Variants in RUVBL1 observed in about 807,000 individuals in gnomAD.
The protein encoded by RUVBL1 is RuvB like AAA ATPase 1, also known as ruvB-like 1.
RUVBL1 carries 4 observed loss-of-function variants against 52.4 expected under a neutral mutation model. The observed-to-expected ratio is 0.08, with a 90% CI of 0.04 to 0.17. The LOEUF (loss-of-function observed/expected upper bound fraction) is 0.17, where lower values mean the gene tolerates loss of function less well. Ranked by LOEUF, RUVBL1 falls within the 10% of genes least tolerant of loss-of-function variation. The pLI is 1.00. For missense variants in RUVBL1, 298 were observed against 572.8 expected (o/e 0.52, Z 4.90); for synonymous variants, 217 against 214.4 (o/e 1.01, Z -0.10).
intron 9 of RUVBL1, 41 bp downstream of exon 9, chr3:128,087,665 C>A (rs2107675932): frequency 6.6e-7 from 1 of 1,513,348 alleles, no homozygotes; most frequent in Non-Finnish European, 9.1e-7. Context: ...ACACTGGGAG[C>A]AAATGAGAGA....
rs183490739 is a variant in RUVBL1, at chr3:128,067,859, A to C, written c.940-2639T>G. Reference sequence around the variant, plus strand: ...CATATGACTTCCTTGCGGCAGTTTTAAAGTTCTCTGTATGAATATTGTCAG... The same window carrying C: ...CATATGACTTCCTTGCGGCAGTTTTCAAGTTCTCTGTATGAATATTGTCAG... On this transcript the variant is annotated intron_variant, in intron 9 of 9. Coordinates refer to the RUVBL1 transcript ENST00000464873. This position sits in a 1 kb window ranked among gnomAD's most constrained non-coding sequence, Gnocchi z 4.1. 700 of 816,744 alleles carry C rather than the reference A, an allele frequency of 8.6e-4. No individual in the cohort carries two copies. Among genetic ancestry groups the C allele is most frequent in the Non-Finnish European group, 1.2e-3 (563 of 487,516 alleles). The allele number at this position is 816,744 out of a possible 1,614,324, so 50.6% of individuals were successfully genotyped here. A position where few individuals can be genotyped will look rare whatever the true frequency, so the allele number is the denominator to read the frequency against.
chr3:128,097,626 C>A lies in RUVBL1; in HGVS notation c.818-128G>T, dbSNP rs544798098. The A allele has an allele frequency of 1.3e-5, 10 of 768,738 alleles. No homozygotes were observed. In the African/African-American group the frequency reaches 1.4e-4, roughly 10 times the overall value. 47.6% of individuals were successfully genotyped at this position (768,738 alleles called of 1,614,324 possible). A position where few individuals can be genotyped will look rare whatever the true frequency, so the allele number is the denominator to read the frequency against. On this transcript the variant is annotated intron_variant, in intron 7 of 10. Coordinates refer to ENST00000322623, the MANE Select transcript of RUVBL1 (RefSeq NM_003707.3). ...TAGTTTTCCTACTAGCTATGTGATC[C>A]CAGACAGGGTGTGTCCCCACTCCAG...
chr3:128,105,965 G>A (rs1373135149), intron 3 of RUVBL1, among the ~76,000 whole-genome samples: 2 of 148,198 alleles, frequency 1.3e-5, no homozygotes, highest in African/African-American at 2.5e-5. Flanking sequence ...CGCCTCCCAG[G>A]TTCAAGTGAT....
intron 9 of RUVBL1, chr3:128,066,715 C>A (rs576432969): frequency 2.9e-5 from 16 of 557,244 alleles, no homozygotes; most frequent in Admixed American, 9.8e-5. Context: ...TAAGTCACCA[C>A]GCCTAGCCTT....
intron 3 of RUVBL1, among the ~76,000 whole-genome samples, chr3:128,106,310 T>C (rs1943233951): frequency 2.0e-5 from 3 of 152,252 alleles, no homozygotes. Flanking sequence ...TAATAAACGT[T>C]TGTTCATTAT....
chr3:128,100,413 G>A (rs1943084804), intron 6 of RUVBL1, among the ~76,000 whole-genome samples, 182 bp downstream of exon 6: 1 of 152,172 alleles, frequency 6.6e-6, no homozygotes, highest in African/African-American at 2.4e-5. Context: ...TGTGACTAGA[G>A]CATTTGAATG....
intron 1 of RUVBL1, among the ~76,000 whole-genome samples, chr3:128,129,508 AAAC>A (rs74644017): frequency 1.3e-5 from 2 of 151,610 alleles, no homozygotes; most frequent in East Asian, 1.9e-4. Context: ...GGACCAGGAA[AAAC>A]AACAACAACA....
At chr3:128,141,105 T>C (rs1944014541) in intron 1 of RUVBL1, among the ~76,000 whole-genome samples, 1 of 152,212 alleles carries the variant, frequency 6.6e-6, no homozygotes, top group Admixed American at 6.5e-5. Flanking sequence ...AATACTTCAT[T>C]AAGTAAAAAA....
chr3:128,094,346 G>A (rs1321673703), intron 8 of RUVBL1, among the ~76,000 whole-genome samples: 1 of 152,200 alleles, frequency 6.6e-6, no homozygotes, highest in East Asian at 1.9e-4. Context: ...GGGGTGAGCG[G>A]CAAGAAGCCG....
upstream of RUVBL1, among the ~76,000 whole-genome samples, chr3:128,127,963 C>T (rs945512134): frequency 2.0e-5 from 3 of 152,152 alleles, no homozygotes; most frequent in Admixed American, 6.5e-5. Context: ...CGCCACTGCA[C>T]TCCAGCCTGG....
At position 128,108,674 on chromosome 3, in the gene RUVBL1, C is replaced by T. The variant is rs144344194; in HGVS notation, c.362-3750G>A. 2.3e-3 allele frequency among the ~76,000 whole-genome samples: 339 copies of T among 150,554 alleles called. 2 individuals are homozygous for T. The highest frequency in any genetic ancestry group is 7.6e-3 in the African/African-American group (308 of 40,672). ...ATCATGCCACGTACTCCAGCATGGG[C>T]GACAGTGTGACACCTTGTCTCAATT... On this transcript the variant is annotated intron_variant, in intron 3 of 10. Coordinates refer to ENST00000322623, the MANE Select transcript of RUVBL1 (RefSeq NM_003707.3).
At chr3:128,132,376 G>A (rs1408114318) in intron 1 of RUVBL1, among the ~76,000 whole-genome samples, 1 of 152,188 alleles carries the variant, frequency 6.6e-6, no homozygotes, top group Admixed American at 6.5e-5. Context: ...CAGTGAACGT[G>A]GGGTGCATGT....
At chr3:128,120,794 G>A (rs1943627396) in intron 1 of RUVBL1, among the ~76,000 whole-genome samples, 1 of 151,982 alleles carries the variant, frequency 6.6e-6, no homozygotes, top group Non-Finnish European at 1.5e-5. Context: ...CTAATTTCTT[G>A]TATTTTTAGT....
chr3:128,152,937 C>CCCCCCCGCCGTCCCCCCGCCCT (rs1559843326), intron 1 of RUVBL1, among the ~76,000 whole-genome samples: 1 of 16,228 alleles, frequency 6.2e-5, no homozygotes, highest in Non-Finnish European at 1.2e-4. Context: ...CCCCCGCCCT[C>CCCCCCCGCCGTCCCCCCGCCCT]CCCCCCGCCC....
At chr3:128,117,609 T>A (rs1245861810) in intron 2 of RUVBL1, among the ~76,000 whole-genome samples, 1 of 151,654 alleles carries the variant, frequency 6.6e-6, no homozygotes, top group Non-Finnish European at 1.5e-5. Flanking sequence ...ACGCTGACAG[T>A]TTTTTTGTTT....
exon 1 of RUVBL1, chr3:128,153,369 G>A: frequency 7.2e-7 from 1 of 1,388,230 alleles, no homozygotes; most frequent in Non-Finnish European, 9.3e-7. Flanking sequence ...GTGAGCCTCA[G>A]GAGGGCGGAA....
intron 2 of RUVBL1, among the ~76,000 whole-genome samples, chr3:128,115,576 T>C (rs1196090434): frequency 1.3e-5 from 2 of 152,130 alleles, no homozygotes; most frequent in Non-Finnish European, 2.9e-5. Context: ...TGGACAAACT[T>C]ATAAGGTAAT....
rs763447946 is a variant in RUVBL1, at chr3:128,104,843, C to T, written c.443G>A (p.Gly148Glu). Residue 148 changes from glycine to glutamate, a missense_variant, in exon 4 of 11, where the codon GGA becomes GAA. Physicochemically the swap from Gly to Glu is moderately conservative, Grantham distance 98 (BLOSUM62 -2). Coordinates refer to ENST00000322623, the MANE Select transcript of RUVBL1 (RefSeq NM_003707.3). ...ATGGCTAATGGTTTTGCCATATCCT[C>T]CCATGGGATTCTCTGTCTCACACGG... ...LTPCETENPMGGYGKTISHVI... is the reference protein window; with the variant it reads ...LTPCETENPMEGYGKTISHVI... 1 of 1,613,786 alleles carries T rather than the reference C, an allele frequency of 6.2e-7. No homozygotes were observed. The highest frequency in any genetic ancestry group is 8.5e-7 in the Non-Finnish European group (1 of 1,179,692).
chr3:128,091,389 T>C (rs1167882278), intron 8 of RUVBL1, among the ~76,000 whole-genome samples: 1 of 152,224 alleles, frequency 6.6e-6, no homozygotes, highest in African/African-American at 2.4e-5. Context: ...AATAATTACA[T>C]TTTGGTCAAT....
Sources: gnomAD v4.1 joint callset for allele counts (sites outside exome capture counted in the v4.1 genomes callset) on GRCh38, gnomAD v4.1.1 for gene constraint, Gnocchi (gnomAD v3.1) non-coding constraint, MANE v1.5 for transcripts, NCBI Gene and HGNC (gene_info 2026-07-23, HGNC 2026-07-21) for gene names.